SLC38A4: variants seen among roughly 807,000 people sequenced by gnomAD.
The protein encoded by SLC38A4 is sodium-coupled neutral amino acid transporter 4.
Under a neutral mutation model 63.1 loss-of-function variants are expected in SLC38A4, and 20 were observed. The ratio of observed to expected loss-of-function variants is 0.32; its 90% confidence interval spans 0.22 to 0.46. The LOEUF is 0.46. Ranked by LOEUF, SLC38A4 falls within the 20% of genes least tolerant of loss-of-function variation. The pLI is 1.00. For synonymous variants in SLC38A4, 230 were observed against 225.5 expected (o/e 1.02, Z -0.18); for missense variants, 526 against 663.6 (o/e 0.79, Z 2.28).
intron 14 of SLC38A4, among the ~76,000 whole-genome samples, chr12:46,769,967 C>T (rs1369487676): frequency 6.6e-6 from 1 of 152,114 alleles, no homozygotes; most frequent in Non-Finnish European, 1.5e-5. Flanking sequence ...CATGACTGTA[C>T]ATTCATCTTG....
At position 46,768,403 on chromosome 12, in the gene SLC38A4, A is replaced by G. The variant is rs1363408934; in HGVS notation, c.1449T>C (p.Ala483=). 1 of 1,608,828 alleles carries G rather than the reference A, an allele frequency of 6.2e-7. No homozygotes were observed. The highest frequency in any genetic ancestry group is 8.5e-7 in the Non-Finnish European group (1 of 1,177,216). ...TAAAAATCAGCATAGTGGCAGAAGA[A>G]GCCCCTGAGAAGACAAACACAGGGC... ...TIKYIFGFIG[A]SSATMLIFIL... The change falls in exon 16 of 17, where the codon GCT becomes GCC. Residue 483 remains alanine (A), a synonymous_variant. Transcript: ENST00000266579.
chr12:46,805,589 A>G lies in SLC38A4; in HGVS notation c.-304-1795T>C, dbSNP rs113220513. 5.5e-3 allele frequency among the ~76,000 whole-genome samples: 836 copies of G among 152,186 alleles called. 8 individuals are homozygous for G. Among genetic ancestry groups the G allele is most frequent in the African/African-American group, 0.019 (796 of 41,558 alleles). The stretch of plus-strand genomic sequence containing the variant: ...AATTTAATGTTCTGAATATTTATTA[A>G]AATCATACCACAATGTAATCTCATG... On this transcript the variant is annotated intron_variant, in intron 1 of 16. Transcript: ENST00000266579.
chr12:46,807,796 A>G (rs1939262689), intron 1 of SLC38A4, among the ~76,000 whole-genome samples: 1 of 151,972 alleles, frequency 6.6e-6, no homozygotes, highest in Admixed American at 6.6e-5. Context: ...AAACTTAGGT[A>G]CACTATAGGC....
intron 2 of SLC38A4, among the ~76,000 whole-genome samples, chr12:46,795,629 A>C (rs1019146287): frequency 3.9e-5 from 6 of 152,058 alleles, no homozygotes; most frequent in Non-Finnish European, 8.8e-5. Context: ...TCACACAATG[A>C]GCCTATGTCT....
chr12:46,801,407 C>A (rs150502603), intron 2 of SLC38A4, among the ~76,000 whole-genome samples: 2 of 151,922 alleles, frequency 1.3e-5, no homozygotes, highest in Non-Finnish European at 2.9e-5. Context: ...GTCCTTGAGT[C>A]GAGAAGCAAA....
At chr12:46,787,027 A>C (rs1938775881) in intron 5 of SLC38A4, among the ~76,000 whole-genome samples, 1 of 152,220 alleles carries the variant, frequency 6.6e-6, no homozygotes, top group South Asian at 2.1e-4. Flanking sequence ...CAGGCTGTAC[A>C]TGATGCACAT....
chr12:46,817,047 T>TA (rs78513647), intron 1 of SLC38A4, among the ~76,000 whole-genome samples: 22,490 of 151,722 alleles, frequency 0.15, 2,018 homozygotes, highest in South Asian at 0.27. Context: ...AAGGGGAAGA[T>TA]ATGGTTTATG....
upstream of SLC38A4, among the ~76,000 whole-genome samples, chr12:46,827,074 A>G (rs2120937995): frequency 6.6e-6 from 1 of 152,354 alleles, no homozygotes; most frequent in South Asian, 2.1e-4. Flanking sequence ...GGGAACTGAG[A>G]TAATAGTCAT....
intron 3 of SLC38A4, among the ~76,000 whole-genome samples, chr12:46,791,535 CTTTG>C (rs1227888451): frequency 1.3e-5 from 2 of 152,176 alleles, no homozygotes; most frequent in African/African-American, 4.8e-5. Context: ...AATGAGAAGT[CTTTG>C]TTTGAGCACA....
chr12:46,777,386 A>C (rs1329757696), intron 12 of SLC38A4, among the ~76,000 whole-genome samples: 1 of 151,990 alleles, frequency 6.6e-6, no homozygotes, highest in Non-Finnish European at 1.5e-5. Context: ...AGAGTCAGCA[A>C]AGTACTACTG....
intron 12 of SLC38A4, 79 bp from the exon 13 acceptor site, chr12:46,777,083 A>C: frequency 8.7e-7 from 1 of 1,150,502 alleles, no homozygotes; most frequent in East Asian, 2.6e-5. Flanking sequence ...AATAATAATA[A>C]AAAAGTATAT....
chr12:46,823,302 C>T (rs1395205323), intron 1 of SLC38A4, among the ~76,000 whole-genome samples: 1 of 152,152 alleles, frequency 6.6e-6, no homozygotes, highest in African/African-American at 2.4e-5. Context: ...CCCACACACA[C>T]AGGAGATATG....
chr12:46,785,952 T>G (rs1286265450), intron 5 of SLC38A4, among the ~76,000 whole-genome samples: 1 of 151,946 alleles, frequency 6.6e-6, no homozygotes, highest in Non-Finnish European at 1.5e-5. Flanking sequence ...AATCTTTATC[T>G]TTGTTTATTT....
At chr12:46,775,009 G>C in intron 14 of SLC38A4, 40 bp downstream of exon 14, 1 of 1,603,716 alleles carries the variant, frequency 6.2e-7, no homozygotes, top group Non-Finnish European at 8.5e-7. Flanking sequence ...TAATTTATGG[G>C]GTCAAGTAGG....
intron 14 of SLC38A4, among the ~76,000 whole-genome samples, chr12:46,771,675 G>A (rs958794701): frequency 6.6e-6 from 1 of 152,242 alleles, no homozygotes; most frequent in Non-Finnish European, 1.5e-5. Flanking sequence ...AAGAGGGAGG[G>A]AGGTACTAGG....
chr12:46,766,634 T>G lies in SLC38A4; in HGVS notation c.*67A>C. On this transcript the variant is annotated 3_prime_UTR_variant, in exon 17 of 17. Coordinates refer to ENST00000266579, the MANE Select transcript of SLC38A4 (RefSeq NM_018018.5). Reference sequence around the variant, plus strand: ...ATGAATAACATTCCAATCAAGATAATTCAAATATCTTTTGGAGTATAACTT... The same window carrying G: ...ATGAATAACATTCCAATCAAGATAAGTCAAATATCTTTTGGAGTATAACTT... The G allele has an allele frequency of 9.4e-7, 1 of 1,066,964 alleles. No individual in the cohort carries two copies. The highest frequency in any genetic ancestry group is 2.5e-5 in the East Asian group (1 of 39,922). 66.1% of individuals were successfully genotyped at this position (1,066,964 alleles called of 1,614,324 possible). A position where few individuals can be genotyped will look rare whatever the true frequency, so the allele number is the denominator to read the frequency against.
chr12:46,818,889 C>G (rs1939489616), intron 1 of SLC38A4, among the ~76,000 whole-genome samples: 1 of 151,864 alleles, frequency 6.6e-6, no homozygotes, highest in Admixed American at 6.6e-5. Flanking sequence ...TGAAAGGACA[C>G]TTCAGACAGG....
At chr12:46,772,158 A>G (rs1473088127) in intron 14 of SLC38A4, among the ~76,000 whole-genome samples, 1 of 150,558 alleles carries the variant, frequency 6.6e-6, no homozygotes, top group Non-Finnish European at 1.5e-5. Context: ...AGCCTCTCCC[A>G]TTGTTTAGAC....
At chr12:46,821,347 GATAAAGGT>G in intron 1 of SLC38A4, among the ~76,000 whole-genome samples, 1 of 152,026 alleles carries the variant, frequency 6.6e-6, no homozygotes, top group Admixed American at 6.6e-5. Flanking sequence ...TATGATGTAA[GATAAAGGT>G]CCAATTTCAT....
Sources: allele counts gnomAD v4.1 joint callset (sites outside exome capture counted in the v4.1 genomes callset), GRCh38; gene constraint gnomAD v4.1.1; transcripts MANE v1.5; gene names NCBI Gene and HGNC (gene_info 2026-07-23, HGNC 2026-07-21).